Variants in LRP4 observed in about 807,000 individuals in gnomAD.
The protein encoded by LRP4 is LDL receptor related protein 4, also known as low-density lipoprotein receptor-related protein 4.
In LRP4, 95 loss-of-function variants were observed where a neutral mutation model predicts 220.3. That is an observed-to-expected ratio of 0.43 (90% confidence interval 0.37 to 0.51). The LOEUF is 0.51. Among genes scored for constraint, LRP4 ranks in the 20% least tolerant of loss-of-function variants. LRP4 has a pLI of 0.00. For missense variants in LRP4, 1,925 were observed against 2,567.0 expected (o/e 0.75, Z 5.40); for synonymous variants, 903 against 954.6 (o/e 0.95, Z 1.00).
At position 46,879,260 on chromosome 11, in the gene LRP4, C is replaced by T. The variant is rs374161249; in HGVS notation, c.2870G>A (p.Arg957His). The change falls in exon 21 of 38, where the codon CGC becomes CAC. Residue 957 changes from arginine (R) to histidine (H), a missense_variant. Transcript: ENST00000378623. Reference sequence around the variant, plus strand: ...GGTCTGCCAGTCAGTCCAATAGATGCGCTCTCCATAGAGGGTCAGCCCAAA... The same window carrying T: ...GGTCTGCCAGTCAGTCCAATAGATGTGCTCTCCATAGAGGGTCAGCCCAAA... The part of the protein sequence containing the change: ...HPFGLTLYGE[R>H]IYWTDWQTKS... 22 of 1,614,214 alleles carry T rather than the reference C, an allele frequency of 1.4e-5. No individual in the cohort carries two copies. Among genetic ancestry groups the T allele is most frequent in the South Asian group, 5.5e-5 (5 of 91,084 alleles).
chr11:46,895,242 G>C lies in LRP4; in HGVS notation c.1233C>G (p.Asn411Lys). The C allele has an allele frequency of 6.2e-7, 1 of 1,614,080 alleles. No homozygotes were observed. Among genetic ancestry groups the C allele is most frequent in the Non-Finnish European group, 8.5e-7 (1 of 1,180,038 alleles). The change falls in exon 11 of 38, where the codon AAC becomes AAG. Residue 411 changes from asparagine to lysine, a missense_variant. Around this residue, in one of 3 missense-constraint regions of LRP4, gnomAD observed 269 missense variants for 436.7 expected, o/e 0.62. Transcript: ENST00000378623. ...EEGYCSQGCTNSEGAFQCWCE... is the reference protein window; with the variant it reads ...EEGYCSQGCTKSEGAFQCWCE... ...ACCAGCATTGGAAAGCCCCTTCGCT[G>C]TTGGTGCAGCCCTGGCTGCAATACC...
rs1451575711 is a variant in LRP4 at position 46,857,246 on chromosome 11, C to G, written c.*1737G>C. On this transcript the variant is annotated 3_prime_UTR_variant, in exon 38 of 38. Coordinates refer to ENST00000378623, the MANE Select transcript of LRP4 (RefSeq NM_002334.4). ...AAGTGTAATGTGGGGAGGCTCAGAA[C>G]TGGGGCTGACGCTACTGAGAGCAAG... is the stretch of plus-strand genomic sequence containing the variant. 1 of 152,236 alleles carries G rather than the reference C, an allele frequency of 6.6e-6. No individual in the cohort carries two copies. Among genetic ancestry groups the G allele is most frequent in the African/African-American group, 2.4e-5 (1 of 41,428 alleles). The allele number at this position is 152,236 out of a possible 1,614,324, so 9.4% of individuals were successfully genotyped here.
Position 46,871,522 on chromosome 11 carries a change from TA to T in LRP4, c.4692+2del. ...TTTAGTTACCTCTCTCCTGAGCCAG[TA>T]CCTGTGTGAGGGCAAAGGGGTGGGA... On this transcript the variant is annotated splice_donor_variant, in intron 31 of 37. Coordinates refer to ENST00000378623, the MANE Select transcript of LRP4 (RefSeq NM_002334.4). LOFTEE classifies it high-confidence loss of function. The T allele has an allele frequency of 6.2e-7, 1 of 1,602,816 alleles. No homozygotes were observed. The highest frequency in any genetic ancestry group is 8.5e-7 in the Non-Finnish European group (1 of 1,170,860).
At position 46,879,195 on chromosome 11, in the gene LRP4, G is replaced by A. The variant is rs757565682; in HGVS notation, c.2935C>T (p.Arg979Trp). 13 of 1,614,226 alleles carry A rather than the reference G, an allele frequency of 8.1e-6. No individual in the cohort carries two copies. Among genetic ancestry groups the A allele is most frequent in the East Asian group, 4.5e-5 (2 of 44,886 alleles). Residue 979 changes from arginine to tryptophan, a missense_variant, in exon 21 of 38, where the codon CGG becomes TGG. Transcript: ENST00000378623. ...QSADRLTGLD[R>W]ETLQENLENL... ...TCCAGGTTCTCCTGCAGAGTCTCCC[G>A]GTCCAGCCCTGTCAGCCGGTCAGCG...
In LRP4 at chr11:46,902,905, GCA is replaced by G; in HGVS notation, c.75_76del (p.Ala26LeufsTer26). On this transcript the variant is annotated frameshift_variant, in exon 2 of 38. Coordinates refer to ENST00000378623, the MANE Select transcript of LRP4 (RefSeq NM_002334.4). LOFTEE classifies it high-confidence loss of function. The stretch of plus-strand genomic sequence containing the variant: ...ACATGTGAAGTGGCTCCGACCACAA[GCA>G]CACTCGGGGCTGCTGGCCAGGCCTG... 6.2e-7 allele frequency: 1 copy of G among 1,614,098 alleles called. No homozygotes were observed. Among genetic ancestry groups the G allele is most frequent in the Non-Finnish European group, 8.5e-7 (1 of 1,180,026 alleles).
At chr11:46,892,087 T>C (rs1249576049) in intron 13 of LRP4, among the ~76,000 whole-genome samples, 1 of 152,152 alleles carries the variant, frequency 6.6e-6, no homozygotes, top group Non-Finnish European at 1.5e-5. Context: ...TGTGCCACTA[T>C]GCCAGGCTAA....
At chr11:46,892,766 C>T (rs1040083821) in intron 13 of LRP4, among the ~76,000 whole-genome samples, 1 of 152,118 alleles carries the variant, frequency 6.6e-6, no homozygotes, top group Non-Finnish European at 1.5e-5. Context: ...GATGGGGTTT[C>T]CCCATGTTGG....
chr11:46,913,124 C>T (rs1941891922), intron 1 of LRP4, among the ~76,000 whole-genome samples: 1 of 152,108 alleles, frequency 6.6e-6, no homozygotes, highest in African/African-American at 2.4e-5. Context: ...CATGGGGAAA[C>T]AGGGTGTCAG....
rs763601999 is a variant in LRP4 at position 46,894,629 on chromosome 11, G to A, written c.1500C>T (p.Ser500=). The A allele has an allele frequency of 6.2e-7, 1 of 1,613,438 alleles. No individual in the cohort carries two copies. The highest frequency in any genetic ancestry group is 2.2e-5 in the East Asian group (1 of 44,868). The change falls in exon 12 of 38, where the codon AGC becomes AGT. Residue 500 remains serine (S), a synonymous_variant. Coordinates refer to ENST00000378623, the MANE Select transcript of LRP4 (RefSeq NM_002334.4). The part of the protein sequence containing the change: ...DRILRANLNG[S]NVEEVVSTGL... ...CAGTAGACACAACCTCCTCCACGTT[G>A]CTGCCGTTGAGGTTGGCACGGAGGA...
chr11:46,881,666 G>T, intron 20 of LRP4, 36 bp downstream of exon 20: 2 of 1,599,104 alleles, frequency 1.3e-6, no homozygotes, highest in East Asian at 4.5e-5. Flanking sequence ...AGATGTTTTA[G>T]TGCCACCCTT....
At position 46,886,157 on chromosome 11, in the gene LRP4, T is replaced by G; in HGVS notation, c.2440A>C (p.Ser814Arg). The G allele has an allele frequency of 1.2e-6, 2 of 1,614,110 alleles. No individual in the cohort carries two copies. Among genetic ancestry groups the G allele is most frequent in the Non-Finnish European group, 1.7e-6 (2 of 1,179,984 alleles). Residue 814 changes from serine to arginine, a missense_variant, in exon 18 of 38, where the codon AGT becomes CGT. Physicochemically the swap from Ser to Arg is moderately radical, Grantham distance 110 (BLOSUM62 -1). Coordinates refer to ENST00000378623, the MANE Select transcript of LRP4 (RefSeq NM_002334.4). ...GCCAGGCCAGCTGGGCTCTCCAAAC[T>G]GGTATCCACTACCACCTGGGCAGGA... ...GTGQEVVVDT[S>R]LESPAGLAID...
rs567501477 is a variant in LRP4, at chr11:46,859,213, G to A, written c.5488C>T (p.Arg1830Ter). 7 of 1,613,936 alleles carry A rather than the reference G, an allele frequency of 4.3e-6. No individual in the cohort carries two copies. The highest frequency in any genetic ancestry group is 1.1e-5 in the South Asian group (1 of 91,080). Residue 1830 changes from arginine to a stop codon, truncating the protein, a stop_gained, in exon 38 of 38, where the codon CGA becomes TGA. Coordinates refer to ENST00000378623, the MANE Select transcript of LRP4 (RefSeq NM_002334.4). LOFTEE classifies it high-confidence loss of function. ...DAEWDDLKQL[R>*]SSRGGLLRDH... ...CGGAGGAGGCCCCCCCGTGAGCTTC[G>A]CAGTTGCTTGAGGTCATCCCACTCA...
chr11:46,889,686 G>GT (rs998773592), intron 15 of LRP4, 153 bp from the exon 16 acceptor site: 15 of 1,036,622 alleles, frequency 1.4e-5, no homozygotes, highest in Non-Finnish European at 2.2e-5. Flanking sequence ...AGCACAGTGA[G>GT]TACCCGGCAC....
chr11:46,882,004 C>T (rs1941174237), intron 19 of LRP4, 101 bp from the exon 20 acceptor site: 5 of 1,115,462 alleles, frequency 4.5e-6, no homozygotes, highest in South Asian at 1.3e-5. Context: ...AGCAGATCCT[C>T]ATCAGCCTCA....
In LRP4 at chr11:46,879,269, T is replaced by C. The variant is rs775608977; in HGVS notation, c.2861A>G (p.Tyr954Cys). Residue 954 changes from tyrosine to cysteine, a missense_variant, in exon 21 of 38, where the codon TAT becomes TGT. This residue lies in a region of LRP4 where 1,244 missense variants were observed against 1,624.9 expected (regional missense o/e 0.77). Transcript: ENST00000378623. ...QLPHPFGLTL[Y>C]GERIYWTDWQ... Reference sequence around the variant, plus strand: ...GTCAGTCCAATAGATGCGCTCTCCATAGAGGGTCAGCCCAAATGGGTGGGG... The same window carrying C: ...GTCAGTCCAATAGATGCGCTCTCCACAGAGGGTCAGCCCAAATGGGTGGGG... 9.9e-6 allele frequency: 16 copies of C among 1,614,096 alleles called. No homozygotes were observed. Among genetic ancestry groups the C allele is most frequent in the Non-Finnish European group, 1.3e-5 (15 of 1,180,052 alleles).
At chr11:46,860,898 A>C in intron 37 of LRP4, 1 of 962,380 alleles carries the variant, frequency 1.0e-6, no homozygotes, top group Non-Finnish European at 1.2e-6. Flanking sequence ...GGGAAACACC[A>C]CTCCCTCTAC....
At position 46,875,945 on chromosome 11, in the gene LRP4, C is replaced by T. The variant is rs1239248668; in HGVS notation, c.3558G>A (p.Trp1186Ter). 2.5e-6 allele frequency: 4 copies of T among 1,614,180 alleles called. No homozygotes were observed. Among genetic ancestry groups the T allele is most frequent in the Non-Finnish European group, 2.5e-6 (3 of 1,180,032 alleles). ...HEMGFMYWTD[W>*]GENAKLERSG... ...ACCGCTCTAACTTGGCATTCTCCCCCCAGTCTGTCCAGTACATAAACCTGA... is the reference window on the plus strand; with the variant it reads ...ACCGCTCTAACTTGGCATTCTCCCCTCAGTCTGTCCAGTACATAAACCTGA... The change falls in exon 26 of 38, where the codon TGG (tryptophan) becomes TGA (stop). Residue 1186 changes from tryptophan to a stop codon, truncating the protein, a stop_gained. Transcript: ENST00000378623. LOFTEE classifies it high-confidence loss of function. This position sits in a 1 kb window ranked among gnomAD's most constrained non-coding sequence, Gnocchi z 4.5.
At chr11:46,893,270 A>C (rs1941460175) in intron 12 of LRP4, 141 bp from the exon 13 acceptor site, 1 of 801,422 alleles carries the variant, frequency 1.2e-6, no homozygotes, top group African/African-American at 1.7e-5. Context: ...AATTCATTTA[A>C]GCATCACAAC....
intron 18 of LRP4, 73 bp from the exon 19 acceptor site, chr11:46,884,049 G>T (rs558515201): frequency 6.6e-5 from 79 of 1,203,580 alleles, no homozygotes; most frequent in Non-Finnish European, 9.4e-5. Context: ...GCCAACACAA[G>T]AGCCTGGTAT....
Sources: allele counts gnomAD v4.1 joint callset (sites outside exome capture counted in the v4.1 genomes callset), GRCh38; gene constraint gnomAD v4.1.1; regional missense constraint gnomAD v4.1.1; non-coding constraint Gnocchi (gnomAD v3.1); transcripts MANE v1.5; gene names NCBI Gene and HGNC (gene_info 2026-07-23, HGNC 2026-07-21).